The following PEAK1 variants were observed in gnomAD, a reference collection of about 807,000 sequenced individuals.
PEAK1 encodes the protein inactive tyrosine-protein kinase PEAK1.
In PEAK1, 54 loss-of-function variants were observed where a neutral mutation model predicts 124.7. The observed-to-expected ratio is 0.43, with a 90% CI of 0.35 to 0.54. The LOEUF (loss-of-function observed/expected upper bound fraction) is 0.54, where lower values mean the gene tolerates loss of function less well. PEAK1 is among the 20% of genes least tolerant of loss of function. The probability of loss-of-function intolerance (pLI) is 0.01; values close to 1 mark genes in which losing one functional copy is unlikely to be tolerated. For synonymous variants in PEAK1, 719 were observed against 760.0 expected (o/e 0.95, Z 0.89); for missense variants, 2,046 against 2,134.5 (o/e 0.96, Z 0.82).
chr15:77,381,216 G>A (rs2069450836), intron 1 of PEAK1: 2 of 982,816 alleles, frequency 2.0e-6, no homozygotes, highest in South Asian at 9.4e-5. Flanking sequence ...GACAATGGAA[G>A]CAAGGAAACC....
rs1206295629 is a variant in PEAK1, at chr15:77,365,923, T to C, written c.-665-698A>G. Reference sequence around the variant, plus strand: ...ATTTAAAAATCTGGAAATGTAAAAGTAAATCAATAGCACATGTTTATAAAA... The same window carrying C: ...ATTTAAAAATCTGGAAATGTAAAAGCAAATCAATAGCACATGTTTATAAAA... On this transcript the variant is annotated intron_variant, in intron 1 of 9. Coordinates refer to ENST00000682557, the MANE Select transcript of PEAK1 (RefSeq NM_001385026.1). 2.0e-5 allele frequency among the ~76,000 whole-genome samples: 3 copies of C among 152,076 alleles called. 1 individual carries two copies. The South Asian group carries it at 6.2e-4, about 32-fold the overall frequency.
chr15:77,351,837 T>C, intron 2 of PEAK1: 1 of 985,392 alleles, frequency 1.0e-6, no homozygotes, highest in Non-Finnish European at 1.2e-6. Context: ...CAGTTTGAGT[T>C]TTAGACAATT....
intron 6 of PEAK1, among the ~76,000 whole-genome samples, chr15:77,237,163 A>G (rs1040249881): frequency 6.6e-6 from 1 of 152,228 alleles, no homozygotes; most frequent in Admixed American, 6.5e-5. Flanking sequence ...AACACTGAAG[A>G]TATTAGTTAC....
At chr15:77,380,742 T>C (rs967505599) in intron 1 of PEAK1, among the ~76,000 whole-genome samples, 8 of 152,102 alleles carry the variant, frequency 5.3e-5, no homozygotes, top group African/African-American at 1.9e-4. Context: ...GCCTCCCAAA[T>C]TGCAGGGACT....
chr15:77,239,520 A>G (rs865939284), intron 6 of PEAK1, among the ~76,000 whole-genome samples: 2 of 152,220 alleles, frequency 1.3e-5, no homozygotes, highest in South Asian at 2.1e-4. Flanking sequence ...TAGAGATAAT[A>G]TAAGAAGAGA....
chr15:77,159,506 T>C (rs2055443066), intron 7 of PEAK1, among the ~76,000 whole-genome samples: 1 of 152,200 alleles, frequency 6.6e-6, no homozygotes. Flanking sequence ...AAAACTGGCC[T>C]AGTTAGAAAA....
intron 6 of PEAK1, among the ~76,000 whole-genome samples, chr15:77,210,776 A>G (rs892530012): frequency 6.6e-6 from 1 of 152,170 alleles, no homozygotes; most frequent in East Asian, 1.9e-4. Context: ...GCTACTCAGG[A>G]GGCTGAGGCA....
chr15:77,398,181 A>C (rs35277326), intron 1 of PEAK1, among the ~76,000 whole-genome samples: 12,490 of 152,336 alleles, frequency 0.082, 593 homozygotes, highest in Non-Finnish European at 0.1. Flanking sequence ...TAATATTTAA[A>C]GAAGAACTAA....
At chr15:77,141,328 C>T (rs1327637261) in intron 8 of PEAK1, among the ~76,000 whole-genome samples, 16 of 152,026 alleles carry the variant, frequency 1.1e-4, no homozygotes, top group Admixed American at 9.8e-4. Context: ...CAGAAATAAA[C>T]CTAACAAAAC....
chr15:77,288,577 T>C (rs536892533), intron 2 of PEAK1, among the ~76,000 whole-genome samples: 1 of 152,328 alleles, frequency 6.6e-6, no homozygotes, highest in South Asian at 2.1e-4. Context: ...TAGTAAGTCT[T>C]TTTGGAGAAA....
intron 6 of PEAK1, among the ~76,000 whole-genome samples, chr15:77,205,614 T>TCCTGTTTC (rs2058603204): frequency 6.6e-6 from 1 of 152,182 alleles, no homozygotes; most frequent in Non-Finnish European, 1.5e-5. Flanking sequence ...GTTGTGGCAG[T>TCCTGTTTC]CCTGTTTCCC....
At chr15:77,314,798 C>T (rs1265359454) in intron 2 of PEAK1, among the ~76,000 whole-genome samples, 4 of 152,122 alleles carry the variant, frequency 2.6e-5, no homozygotes, top group South Asian at 4.1e-4. Context: ...TACAGAGTAA[C>T]GTATAAGCAT....
chr15:77,310,766 G>C (rs1054859126), intron 2 of PEAK1, among the ~76,000 whole-genome samples: 5 of 152,196 alleles, frequency 3.3e-5, no homozygotes, highest in African/African-American at 1.2e-4. Flanking sequence ...GACCTGGCTT[G>C]GGGATAACCT....
At chr15:77,313,742 T>TATATATATATATATATATA (rs760524195) in intron 2 of PEAK1, among the ~76,000 whole-genome samples, 1 of 113,484 alleles carries the variant, frequency 8.8e-6, no homozygotes, top group East Asian at 2.3e-4. Flanking sequence ...ATATATATAT[T>TATATATATATATATATATA]TATTTATTTA....
At chr15:77,358,933 A>G (rs1361531443) in intron 2 of PEAK1, among the ~76,000 whole-genome samples, 1 of 152,234 alleles carries the variant, frequency 6.6e-6, no homozygotes, top group Non-Finnish European at 1.5e-5. Flanking sequence ...TGAAGATTAC[A>G]TGAAATGCTA....
At chr15:77,217,082 A>G (rs1044010778) in intron 6 of PEAK1, among the ~76,000 whole-genome samples, 27 of 151,904 alleles carry the variant, frequency 1.8e-4, no homozygotes, top group Non-Finnish European at 2.2e-4. Context: ...AAGAAAAAAG[A>G]GCTGGGCATG....
At chr15:77,379,098 T>C (rs2069263268) in intron 1 of PEAK1, among the ~76,000 whole-genome samples, 1 of 152,194 alleles carries the variant, frequency 6.6e-6, no homozygotes, top group Admixed American at 6.5e-5. Flanking sequence ...TGGTAATAAA[T>C]GTGTTCACTT....
intron 1 of PEAK1, among the ~76,000 whole-genome samples, chr15:77,411,093 CTT>C (rs2142112980): frequency 6.6e-6 from 1 of 151,384 alleles, no homozygotes; most frequent in Admixed American, 6.6e-5. Context: ...TTGGGTTTGA[CTT>C]TAATAACCAG....
At chr15:77,226,066 T>TATATATA (rs1567137683) in intron 6 of PEAK1, among the ~76,000 whole-genome samples, 14 of 135,354 alleles carry the variant, frequency 1.0e-4, no homozygotes, top group African/African-American at 3.8e-4. Context: ...TATATATATA[T>TATATATA]ATATATATAT....
Sources: allele counts gnomAD v4.1 joint callset (sites outside exome capture counted in the v4.1 genomes callset), GRCh38; gene constraint gnomAD v4.1.1; transcripts MANE v1.5; gene names NCBI Gene and HGNC (gene_info 2026-07-23, HGNC 2026-07-21).